Variants in PLCH1 observed in about 807,000 individuals in gnomAD.
PLCH1 encodes the protein phospholipase C eta 1.
A neutral mutation model predicts 126.7 loss-of-function variants in PLCH1; 60 were observed. The ratio of observed to expected loss-of-function variants is 0.47; its 90% CI spans 0.38 to 0.59. The LOEUF is 0.59. Ranked by LOEUF, PLCH1 falls within the 20% of genes least tolerant of loss-of-function variation. The pLI is 0.00. For synonymous variants in PLCH1, 719 were observed against 734.9 expected (o/e 0.98, Z 0.35); for missense variants, 1,723 against 2,040.0 (o/e 0.84, Z 2.99).
chr3:155,695,367 A>AT (rs561353668), intron 2 of PLCH1, among the ~76,000 whole-genome samples: 1 of 151,972 alleles, frequency 6.6e-6, no homozygotes, highest in South Asian at 2.1e-4. Flanking sequence ...GTTTATGAGT[A>AT]TTTTTTTTCT....
downstream of PLCH1, among the ~76,000 whole-genome samples, chr3:155,475,225 A>G (rs1027557410): frequency 5.3e-5 from 8 of 152,078 alleles, no homozygotes; most frequent in Non-Finnish European, 2.9e-5. Context: ...CACTGGTTCA[A>G]AAAGAAATTA....
intron 3 of PLCH1, among the ~76,000 whole-genome samples, chr3:155,594,690 T>C (rs1180591448): frequency 1.3e-5 from 2 of 152,270 alleles, no homozygotes; most frequent in East Asian, 1.9e-4. Flanking sequence ...TGCATAACAC[T>C]TGTGCTGCCT....
intron 2 of PLCH1, among the ~76,000 whole-genome samples, chr3:155,684,596 G>C (rs989901388): frequency 1.3e-5 from 2 of 151,936 alleles, no homozygotes; most frequent in Admixed American, 6.6e-5. Context: ...TAAAAAAAAA[G>C]ATGACCTTTA....
chr3:155,577,392 T>C (rs929442856), intron 6 of PLCH1, among the ~76,000 whole-genome samples: 1 of 152,208 alleles, frequency 6.6e-6, no homozygotes, highest in Non-Finnish European at 1.5e-5. Flanking sequence ...GTTTTTTTTT[T>C]CCTCAATGGT....
chr3:155,573,362 T>C (rs1277145682), intron 6 of PLCH1, among the ~76,000 whole-genome samples: 1 of 152,206 alleles, frequency 6.6e-6, no homozygotes, highest in African/African-American at 2.4e-5. Context: ...AACCACCCCA[T>C]AACCTAGAAA....
At chr3:155,658,775 A>G (rs916396078) in intron 2 of PLCH1, among the ~76,000 whole-genome samples, 5 of 152,334 alleles carry the variant, frequency 3.3e-5, no homozygotes, top group Admixed American at 1.3e-4. Flanking sequence ...AGTTAACTCA[A>G]TGGTCAAATA....
At chr3:155,566,119 A>G (rs1728341018) in intron 7 of PLCH1, among the ~76,000 whole-genome samples, 1 of 141,178 alleles carries the variant, frequency 7.1e-6, no homozygotes, top group African/African-American at 2.7e-5. Context: ...ATACATATAT[A>G]TATGTATATA....
At chr3:155,681,279 C>G (rs1313024194) in intron 2 of PLCH1, among the ~76,000 whole-genome samples, 1 of 152,136 alleles carries the variant, frequency 6.6e-6, no homozygotes, top group African/African-American at 2.4e-5. Flanking sequence ...GGAAAACTTG[C>G]TTTGAGGCTT....
intron 2 of PLCH1, among the ~76,000 whole-genome samples, chr3:155,677,271 G>T (rs979431162): frequency 1.3e-5 from 2 of 152,188 alleles, no homozygotes; most frequent in Admixed American, 6.5e-5. Context: ...AGCCTAGATT[G>T]CTAACTCATC....
At chr3:155,610,804 T>TAA (rs949866333) in intron 2 of PLCH1, among the ~76,000 whole-genome samples, 12 of 150,000 alleles carry the variant, frequency 8.0e-5, no homozygotes, top group African/African-American at 2.9e-4. Flanking sequence ...ACAACACAAT[T>TAA]AAAAAAAAAC....
chr3:155,611,124 CA>C lies in PLCH1; in HGVS notation c.80-14747del, dbSNP rs1735031485. Reference sequence around the variant, plus strand: ...AACAGTTTAAAAAGACAAAGAGGGCCAGGCACGGCTCACACCTGTAATCCCA... The same window carrying C: ...AACAGTTTAAAAAGACAAAGAGGGCCGGCACGGCTCACACCTGTAATCCCA... On this transcript the variant is annotated intron_variant, in intron 2 of 22. Transcript: ENST00000460012. 3.3e-5 allele frequency among the ~76,000 whole-genome samples: 5 copies of C among 152,098 alleles called. 1 individual carries two copies. Among genetic ancestry groups the C allele is most frequent in the Admixed American group, 3.3e-4 (5 of 15,264 alleles).
chr3:155,486,170 A>G, intron 21 of PLCH1: 2 of 1,547,432 alleles, frequency 1.3e-6, no homozygotes, highest in Non-Finnish European at 8.7e-7. Context: ...AGAAAGTGCA[A>G]TATAGTATAA....
At chr3:155,512,784 G>A (rs749546372) in intron 12 of PLCH1, among the ~76,000 whole-genome samples, 6 of 152,140 alleles carry the variant, frequency 3.9e-5, no homozygotes, top group Non-Finnish European at 8.8e-5. Context: ...AAACTATGAG[G>A]AGCCCTGAGA....
intron 1 of PLCH1, among the ~76,000 whole-genome samples, chr3:155,732,184 T>C (rs539885983): frequency 2.3e-4 from 35 of 151,936 alleles, no homozygotes; most frequent in African/African-American, 8.0e-4. Context: ...AAACAATAAA[T>C]GACCAAAACA....
In PLCH1 at chr3:155,688,966, G is replaced by A. The variant is rs572762471; in HGVS notation, c.79+15180C>T. Among the ~76,000 whole-genome samples, 3 of 152,330 alleles carry A rather than the reference G, an allele frequency of 2.0e-5. No homozygotes were observed. The South Asian group carries it at 6.2e-4, about 32-fold the overall frequency. ...TCGCTGGACATGCCTGGGGCCGGGG[G>A]GGATCTTGCCATCCTGAAGGGAAGG... On this transcript the variant is annotated intron_variant, in intron 2 of 22. Transcript: ENST00000460012.
chr3:155,738,669 G>T (rs1302166340), intron 1 of PLCH1, among the ~76,000 whole-genome samples: 1 of 151,606 alleles, frequency 6.6e-6, no homozygotes, highest in Non-Finnish European at 1.5e-5. Flanking sequence ...TGCCTATAAT[G>T]CCAGCTACTA....
At chr3:155,599,522 C>T (rs987912164) in intron 2 of PLCH1, among the ~76,000 whole-genome samples, 2 of 152,114 alleles carry the variant, frequency 1.3e-5, no homozygotes, top group Non-Finnish European at 2.9e-5. Context: ...CTGGTTAAGA[C>T]TTTGATCCAC....
In PLCH1 at chr3:155,492,156, G is replaced by A. The variant is rs79911441; in HGVS notation, c.2307+573C>T. 6.7e-3 allele frequency among the ~76,000 whole-genome samples: 1,019 copies of A among 152,260 alleles called. 8 individuals carry two copies. The highest frequency in any genetic ancestry group is 0.023 in the African/African-American group (973 of 41,540). ...GTAATGGATCAGCTCTGAGAGGAAG[G>A]GCATGAGCATAGGAGAAGCTGCTAT... On this transcript the variant is annotated intron_variant, in intron 18 of 22. Coordinates refer to ENST00000460012, the MANE Select transcript of PLCH1 (RefSeq NM_014996.4).
intron 10 of PLCH1, among the ~76,000 whole-genome samples, chr3:155,544,595 C>T (rs1724917945): frequency 6.6e-6 from 1 of 152,146 alleles, no homozygotes; most frequent in Non-Finnish European, 1.5e-5. Flanking sequence ...TTTTTTTCAG[C>T]ACCACACCAC....
Sources: allele counts gnomAD v4.1 joint callset (sites outside exome capture counted in the v4.1 genomes callset), GRCh38; gene constraint gnomAD v4.1.1; transcripts MANE v1.5; gene names NCBI Gene and HGNC (gene_info 2026-07-23, HGNC 2026-07-21).